Variants in EEF1AKMT1 observed in about 807,000 individuals in gnomAD.
EEF1AKMT1 encodes the protein EEF1A lysine methyltransferase 1, also known as N-6 adenine-specific DNA methyltransferase 2 (putative).
EEF1AKMT1 carries 18 observed loss-of-function variants against 21.0 expected under a neutral mutation model. The observed-to-expected ratio is 0.86, with a 90% CI of 0.59 to 1.27. EEF1AKMT1 has a LOEUF of 1.27. Ranked by LOEUF, EEF1AKMT1 falls within the 50% of genes most tolerant of loss-of-function variation. The pLI, the probability that EEF1AKMT1 is intolerant of heterozygous loss-of-function variation, is 0.00. For synonymous variants in EEF1AKMT1, 109 were observed against 94.8 expected (o/e 1.15, Z -0.87); for missense variants, 246 against 258.6 (o/e 0.95, Z 0.33).
intron 1 of EEF1AKMT1, among the ~76,000 whole-genome samples, chr13:20,770,150 T>C (rs748865071): frequency 6.6e-6 from 1 of 152,204 alleles, no homozygotes; most frequent in Non-Finnish European, 1.5e-5. Context: ...AATTCTGATA[T>C]ATGCTACAAT....
chr13:20,729,714 C>T (rs939268122), intron 4 of EEF1AKMT1, among the ~76,000 whole-genome samples: 1 of 152,168 alleles, frequency 6.6e-6, no homozygotes, highest in African/African-American at 2.4e-5. Context: ...GACATCCCCA[C>T]AGGAGGTGGC....
intron 2 of EEF1AKMT1, among the ~76,000 whole-genome samples, chr13:20,746,506 A>C (rs2058905561): frequency 6.6e-6 from 1 of 152,186 alleles, no homozygotes; most frequent in Non-Finnish European, 1.5e-5. Flanking sequence ...CTACCTCTGC[A>C]AAGGACATCT....
In EEF1AKMT1 at chr13:20,731,851, C is replaced by T; in HGVS notation, c.498G>A (p.Leu166=). 6.2e-7 allele frequency: 1 copy of T among 1,613,300 alleles called. No individual in the cohort carries two copies. The highest frequency in any genetic ancestry group is 8.5e-7 in the Non-Finnish European group (1 of 1,179,390). Residue 166 remains leucine (L), a synonymous_variant, in exon 4 of 5, where the codon CTG becomes CTA. Coordinates refer to ENST00000382758, the MANE Select transcript of EEF1AKMT1 (RefSeq NM_001318939.2). The stretch of plus-strand genomic sequence containing the variant: ...AAATGCAGCACCTACCTGTGCACAG[C>T]AGAATCTTGCCCCGCGTCAGGTACT... ...TVKYLTRGKI[L]LCTGAIMEEQ... is the part of the protein sequence containing the mutation.
intron 1 of EEF1AKMT1, among the ~76,000 whole-genome samples, chr13:20,758,577 A>G (rs961553701): frequency 6.6e-6 from 1 of 152,224 alleles, no homozygotes; most frequent in African/African-American, 2.4e-5. Flanking sequence ...CAGATGGTCG[A>G]CATAAGAGTA....
intron 4 of EEF1AKMT1, among the ~76,000 whole-genome samples, chr13:20,729,431 GAATT>G (rs976376937): frequency 1.3e-5 from 2 of 151,788 alleles, no homozygotes; most frequent in African/African-American, 4.8e-5. Flanking sequence ...TTTATTGAAT[GAATT>G]ATTTTCCTAC....
At chr13:20,760,933 C>G (rs2058998455) in intron 1 of EEF1AKMT1, among the ~76,000 whole-genome samples, 1 of 152,158 alleles carries the variant, frequency 6.6e-6, no homozygotes, top group Non-Finnish European at 1.5e-5. Context: ...CTGAAATAAT[C>G]ACAGATTCAC....
Position 20,757,570 on chromosome 13 carries a change from G to A in EEF1AKMT1, c.29C>T (p.Pro10Leu). 1 of 1,613,792 alleles carries A rather than the reference G, an allele frequency of 6.2e-7. No individual in the cohort carries two copies. Among genetic ancestry groups the A allele is most frequent in the East Asian group, 2.2e-5 (1 of 44,876 alleles). MSDLEDDET[P>L]QLSAHALAAL... is the part of the protein sequence containing the mutation. Reference sequence around the variant, plus strand: ...TGCTAAGGCATGGGCAGAAAGCTGGGGTGTCTCATCATCTTCCAAATCACT... The same window carrying A: ...TGCTAAGGCATGGGCAGAAAGCTGGAGTGTCTCATCATCTTCCAAATCACT... The change falls in exon 2 of 5, where the codon CCC (proline) becomes CTC (leucine). Residue 10 changes from proline to leucine, a missense_variant. Coordinates refer to ENST00000382758, the MANE Select transcript of EEF1AKMT1 (RefSeq NM_001318939.2).
At chr13:20,737,247 C>T (rs2058831010) in intron 3 of EEF1AKMT1, among the ~76,000 whole-genome samples, 1 of 151,866 alleles carries the variant, frequency 6.6e-6, no homozygotes, top group South Asian at 2.1e-4. Flanking sequence ...GCCTGTAGTC[C>T]CAGCTGCCTG....
chr13:20,759,035 G>A (rs541748167), intron 1 of EEF1AKMT1, among the ~76,000 whole-genome samples: 32 of 152,262 alleles, frequency 2.1e-4, no homozygotes, highest in African/African-American at 6.7e-4. Flanking sequence ...ATGTATTAAA[G>A]ACTGAAATGT....
intron 3 of EEF1AKMT1, among the ~76,000 whole-genome samples, chr13:20,735,176 G>C (rs1395228230): frequency 6.6e-6 from 1 of 152,204 alleles, no homozygotes; most frequent in Non-Finnish European, 1.5e-5. Context: ...CCTGGTTCAC[G>C]TGGTGGCATA....
chr13:20,769,791 AG>A (rs2059054044), intron 1 of EEF1AKMT1, among the ~76,000 whole-genome samples: 1 of 152,122 alleles, frequency 6.6e-6, no homozygotes, highest in Non-Finnish European at 1.5e-5. Context: ...GCCCATTCAA[AG>A]GAAAAAAAAA....
intron 3 of EEF1AKMT1, among the ~76,000 whole-genome samples, chr13:20,737,429 C>G (rs546174450): frequency 6.6e-6 from 1 of 152,206 alleles, no homozygotes; most frequent in South Asian, 2.1e-4. Context: ...AATCTATATT[C>G]TTAAAACTTC....
chr13:20,737,014 A>G lies in EEF1AKMT1; in HGVS notation c.227+709T>C, dbSNP rs545476712. Among the ~76,000 whole-genome samples the G allele has an allele frequency of 3.0e-4, 46 of 151,946 alleles. No individual in the cohort carries two copies. The East Asian group carries it at 7.8e-3, about 26-fold the overall frequency. ...CTCCCAAAGTGCTGGGATTTCAAGCATGAGCCACCACGCCCAGTCACCATT... is the reference window on the plus strand; with the variant it reads ...CTCCCAAAGTGCTGGGATTTCAAGCGTGAGCCACCACGCCCAGTCACCATT... On this transcript the variant is annotated intron_variant, in intron 3 of 4. Transcript: ENST00000382758.
chr13:20,769,881 T>C (rs2059054432), intron 1 of EEF1AKMT1, among the ~76,000 whole-genome samples: 1 of 151,974 alleles, frequency 6.6e-6, no homozygotes, highest in Admixed American at 6.6e-5. Context: ...ATCTTAAAGA[T>C]TCTCAGATAA....
intron 3 of EEF1AKMT1, among the ~76,000 whole-genome samples, chr13:20,734,655 G>C (rs1398848313): frequency 6.6e-6 from 1 of 151,498 alleles, no homozygotes; most frequent in Non-Finnish European, 1.5e-5. Context: ...GTGCGGTGGC[G>C]GGATCTTGGC....
intron 2 of EEF1AKMT1, among the ~76,000 whole-genome samples, chr13:20,738,118 G>T (rs2058836803): frequency 1.3e-5 from 2 of 152,026 alleles, no homozygotes; most frequent in South Asian, 4.1e-4. Flanking sequence ...TGTGAGTTTT[G>T]CCAAAAAAAT....
intron 2 of EEF1AKMT1, among the ~76,000 whole-genome samples, chr13:20,749,412 A>G (rs1159205992): frequency 2.6e-5 from 4 of 152,048 alleles, no homozygotes; most frequent in African/African-American, 9.7e-5. Context: ...CTCTCCTACT[A>G]TATGCATCAG....
chr13:20,758,919 G>A lies in EEF1AKMT1; in HGVS notation c.-19-1302C>T, dbSNP rs139361493. Among the ~76,000 whole-genome samples the A allele has an allele frequency of 6.8e-3, 1,037 of 152,268 alleles. 11 individuals are homozygous for A. Among genetic ancestry groups the A allele is most frequent in the African/African-American group, 0.023 (937 of 41,558 alleles). ...CAAGTCAACAAAAATAAACAATGGGGAAAGGATATTCTATTCAATAAATGG... is the reference window on the plus strand; with the variant it reads ...CAAGTCAACAAAAATAAACAATGGGAAAAGGATATTCTATTCAATAAATGG... On this transcript the variant is annotated intron_variant, in intron 1 of 4. Coordinates refer to ENST00000382758, the MANE Select transcript of EEF1AKMT1 (RefSeq NM_001318939.2).
At chr13:20,772,264 G>A (rs866346950) in intron 1 of EEF1AKMT1, among the ~76,000 whole-genome samples, 35 of 152,102 alleles carry the variant, frequency 2.3e-4, no homozygotes, top group Middle Eastern at 6.8e-3. Context: ...TTTAAAACTT[G>A]TACCTATGGA....
Sources: gnomAD v4.1 joint callset for allele counts (sites outside exome capture counted in the v4.1 genomes callset) on GRCh38, gnomAD v4.1.1 for gene constraint, MANE v1.5 for transcripts, NCBI Gene and HGNC (gene_info 2026-07-23, HGNC 2026-07-21) for gene names.